Variants in TSPAN33 observed in about 807,000 individuals in gnomAD.
TSPAN33 encodes the protein tetraspanin-33.
A neutral mutation model predicts 34.8 loss-of-function variants in TSPAN33; 27 were observed. That is an observed-to-expected ratio of 0.78 (90% confidence interval 0.57 to 1.07). The LOEUF (loss-of-function observed/expected upper bound fraction) is 1.07, where lower values mean the gene tolerates loss of function less well. Ranked by LOEUF, TSPAN33 falls within the 50% of genes least tolerant of loss-of-function variation. The pLI, the probability that TSPAN33 is intolerant of heterozygous loss-of-function variation, is 0.00. For synonymous variants in TSPAN33, 119 were observed against 124.2 expected, an observed-to-expected ratio of 0.96 and a Z score of 0.28; for missense variants, 272 against 324.9, an observed-to-expected ratio of 0.84 and a Z score of 1.25.
chr7:129,164,517 A>C lies in TSPAN33; in HGVS notation c.407A>C (p.His136Pro). 1 of 1,614,156 alleles carries C rather than the reference A, an allele frequency of 6.2e-7. No individual in the cohort carries two copies. Among genetic ancestry groups the C allele is most frequent in the Non-Finnish European group, 8.5e-7 (1 of 1,180,018 alleles). The change falls in exon 5 of 8, where the codon CAC becomes CCC. Residue 136 changes from histidine (H) to proline (P), a missense_variant. Coordinates refer to ENST00000486685, the MANE Select transcript of TSPAN33 (RefSeq NM_178562.5). ...VSEIINNAIV[H>P]YRDDLDLQNL... is the part of the protein sequence containing the mutation. ...GAGATCATCAACAATGCCATTGTGC[A>C]CTACCGAGATGACTTGGATCTGCAG...
Position 129,167,384 on chromosome 7 carries a change from C to T in TSPAN33, c.589-15C>T. 1 of 1,601,954 alleles carries T rather than the reference C, an allele frequency of 6.2e-7. No homozygotes were observed. The highest frequency in any genetic ancestry group is 1.1e-5 in the South Asian group (1 of 90,212). On this transcript the variant is annotated splice_polypyrimidine_tract_variant and intron_variant, in intron 6 of 7. Transcript: ENST00000486685. The surrounding 1 kb of genome is among the most constrained non-coding windows in gnomAD (Gnocchi z 4.6). Reference sequence around the variant, plus strand: ...GGAATTACAGTCCCAATTGGCTTTTCAACTCTTTCCCCAGGCAGTGATCAA... The same window carrying T: ...GGAATTACAGTCCCAATTGGCTTTTTAACTCTTTCCCCAGGCAGTGATCAA...
intron 1 of TSPAN33, among the ~76,000 whole-genome samples, chr7:129,146,046 C>T (rs1191858871): frequency 6.6e-6 from 1 of 152,060 alleles, no homozygotes; most frequent in African/African-American, 2.4e-5. Flanking sequence ...CCCCATTCAC[C>T]TCCTCTTCTG....
chr7:129,144,781 C>T lies in TSPAN33; in HGVS notation c.-200C>T, dbSNP rs1454665673. On this transcript the variant is annotated 5_prime_UTR_variant, in exon 1 of 8. Coordinates refer to ENST00000486685, the MANE Select transcript of TSPAN33 (RefSeq NM_178562.5). ...TCCGCTCGCGCTGCCCACCGCGGCT[C>T]CAGCAGCTCCAGGCGCGGTTCCCCG... 1 of 148,976 alleles carries T rather than the reference C, an allele frequency of 6.7e-6. No homozygotes were observed. Among genetic ancestry groups the T allele is most frequent in the Admixed American group, 6.7e-5 (1 of 15,036 alleles). The allele number at this position is 148,976 out of a possible 1,614,324, so 9.2% of individuals were successfully genotyped here. A position where few individuals can be genotyped will look rare whatever the true frequency, so the allele number is the denominator to read the frequency against.
rs1584639951 is a variant in TSPAN33 at position 129,162,503 on chromosome 7, C to T, written c.270C>T (p.Asn90=). The change falls in exon 3 of 8, where the codon AAC becomes AAT. Residue 90 remains asparagine, a synonymous_variant. Coordinates refer to ENST00000486685, the MANE Select transcript of TSPAN33 (RefSeq NM_178562.5). The part of the protein sequence containing the change: ...FCGCIGSLRE[N]ICLLQTFSLC... ...GCTGCATTGGGTCCCTCCGCGAGAACATCTGCCTCCTGCAGACGGTGAGTG... is the reference window on the plus strand; with the variant it reads ...GCTGCATTGGGTCCCTCCGCGAGAATATCTGCCTCCTGCAGACGGTGAGTG... 1 of 1,613,452 alleles carries T rather than the reference C, an allele frequency of 6.2e-7. No homozygotes were observed. Among genetic ancestry groups the T allele is most frequent in the Non-Finnish European group, 8.5e-7 (1 of 1,180,028 alleles).
At chr7:129,153,965 A>G (rs1810635231) in intron 1 of TSPAN33, among the ~76,000 whole-genome samples, 1 of 152,026 alleles carries the variant, frequency 6.6e-6, no homozygotes, top group African/African-American at 2.4e-5. Context: ...GAAGAAGAAT[A>G]TGACAAAATC....
At chr7:129,166,711 A>G in intron 5 of TSPAN33, 67 bp from the exon 6 acceptor site, 1 of 1,573,044 alleles carries the variant, frequency 6.4e-7, no homozygotes, top group South Asian at 1.2e-5. Context: ...GGTGGCTCTG[A>G]GAATTCCCCT....
intron 1 of TSPAN33, among the ~76,000 whole-genome samples, chr7:129,161,019 T>C (rs1793042118): frequency 6.6e-6 from 1 of 152,204 alleles, no homozygotes; most frequent in African/African-American, 2.4e-5. Context: ...GGCTCAGAAA[T>C]TTGCCCTATG....
rs1015927203 is a variant in TSPAN33 at position 129,168,173 on chromosome 7, G to T, written c.*299G>T. 3 of 341,922 alleles carry T rather than the reference G, an allele frequency of 8.8e-6. No individual in the cohort carries two copies. Among genetic ancestry groups the T allele is most frequent in the Admixed American group, 4.3e-5 (1 of 23,154 alleles). The allele number at this position is 341,922 out of a possible 1,614,324, so 21.2% of individuals were successfully genotyped here. ...AACAGCAGTTGCACAGAGAGTTGGGGGTACTGCTGCTGCCTTTTCACCGAG... is the reference window on the plus strand; with the variant it reads ...AACAGCAGTTGCACAGAGAGTTGGGTGTACTGCTGCTGCCTTTTCACCGAG... On this transcript the variant is annotated 3_prime_UTR_variant, in exon 8 of 8. Transcript: ENST00000486685.
In TSPAN33 at chr7:129,167,510, A is replaced by G; in HGVS notation, c.700A>G (p.Ser234Gly). 6.2e-7 allele frequency: 1 copy of G among 1,614,220 alleles called. No homozygotes were observed. Among genetic ancestry groups the G allele is most frequent in the Non-Finnish European group, 8.5e-7 (1 of 1,180,036 alleles). ...CIDKLVNWIHSNLFLLGGVAL... is the reference protein window; with the variant it reads ...CIDKLVNWIHGNLFLLGGVAL... The stretch of plus-strand genomic sequence containing the variant: ...TGACAAGTTGGTCAACTGGATACAC[A>G]GCAACCTATTCTTACTTGGTGGTGT... The change falls in exon 7 of 8, where the codon AGC becomes GGC. Residue 234 changes from serine (S) to glycine (G), a missense_variant. Transcript: ENST00000486685. This position sits in a 1 kb window ranked among gnomAD's most constrained non-coding sequence, Gnocchi z 4.6.
chr7:129,162,421 A>G lies in TSPAN33; in HGVS notation c.188A>G (p.Asp63Gly), dbSNP rs778750055. The G allele has an allele frequency of 1.4e-5, 23 of 1,613,536 alleles. No individual in the cohort carries two copies. The highest frequency in any genetic ancestry group is 1.9e-5 in the Non-Finnish European group (23 of 1,180,002). Residue 63 changes from aspartate to glycine, a missense_variant, in exon 3 of 8, where the codon GAC (aspartate) becomes GGC (glycine). Physicochemically the swap from Asp to Gly is moderately conservative, Grantham distance 94. Transcript: ENST00000486685. ...AEAALACLAV[D>G]PAILLIVVGV... Reference sequence around the variant, plus strand: ...GCAGCCCTAGCCTGCCTGGCAGTGGACCCTGCCATCCTGCTGATCGTGGTG... The same window carrying G: ...GCAGCCCTAGCCTGCCTGGCAGTGGGCCCTGCCATCCTGCTGATCGTGGTG...
intron 1 of TSPAN33, among the ~76,000 whole-genome samples, chr7:129,153,066 AAAAAAAAAAAAAAAAAG>A (rs1046769669): frequency 4.9e-5 from 5 of 101,160 alleles, no homozygotes; most frequent in Non-Finnish European, 8.7e-5. Flanking sequence ...TCTCAAAAAA[AAAAAAAAAAAAAAAAAG>A]AAAAAGAAAA....
chr7:129,163,333 CTT>C (rs57365994), intron 4 of TSPAN33, among the ~76,000 whole-genome samples: 9 of 124,832 alleles, frequency 7.2e-5, no homozygotes, highest in Non-Finnish European at 9.8e-5. Flanking sequence ...TTCTTTCTTT[CTT>C]TTTTTTTTTT....
intron 4 of TSPAN33, among the ~76,000 whole-genome samples, chr7:129,163,333 C>CTTTTTTTTTTTTTTTTTTTTTTT: frequency 8.0e-6 from 1 of 124,870 alleles, no homozygotes; most frequent in African/African-American, 3.0e-5. Context: ...TTCTTTCTTT[C>CTTTTTTTTTTTTTTTTTTTTTTT]TTTTTTTTTT....
At position 129,166,906 on chromosome 7, in the gene TSPAN33, G is replaced by A. The variant is rs1038077657; in HGVS notation, c.588G>A (p.Gln196=). 2 of 1,612,424 alleles carry A rather than the reference G, an allele frequency of 1.2e-6. No homozygotes were observed. Among genetic ancestry groups the A allele is most frequent in the Admixed American group, 1.7e-5 (1 of 59,802 alleles). Residue 196 remains glutamine, a splice_region_variant and synonymous_variant, in exon 6 of 8, where the codon CAG becomes CAA. Transcript: ENST00000486685. ...PYSCCLPTPD[Q]AVINTMCGQG... ...CCTGTTGCTTGCCTACTCCTGACCA[G>A]GTGAGCCAGCATCCTGCCTCATTTC...
chr7:129,146,940 A>G (rs977259963), intron 1 of TSPAN33, among the ~76,000 whole-genome samples: 1 of 146,956 alleles, frequency 6.8e-6, no homozygotes, highest in African/African-American at 2.5e-5. Context: ...GTTCCTGGTC[A>G]TTTTTTTTTT....
intron 1 of TSPAN33, among the ~76,000 whole-genome samples, chr7:129,159,150 T>A (rs1793014402): frequency 6.6e-6 from 1 of 151,680 alleles, no homozygotes; most frequent in Non-Finnish European, 1.5e-5. Flanking sequence ...AACCTCCGCC[T>A]CCCAGGTTCA....
At chr7:129,164,329 G>T (rs1015998120) in intron 4 of TSPAN33, 145 bp from the exon 5 acceptor site, 1 of 708,034 alleles carries the variant, frequency 1.4e-6, no homozygotes, top group South Asian at 1.7e-5. Context: ...GAACTGAACC[G>T]GCTATCTTCC....
chr7:129,161,794 C>A, intron 2 of TSPAN33, 58 bp downstream of exon 2: 1 of 1,602,578 alleles, frequency 6.2e-7, no homozygotes, highest in Non-Finnish European at 8.5e-7. Context: ...TTCCCCTCTG[C>A]CTCCTTCAGC....
rs542819721 is a variant in TSPAN33, at chr7:129,148,388, C to T, written c.102+3306C>T. 6.6e-6 allele frequency among the ~76,000 whole-genome samples: 1 copy of T among 152,322 alleles called. No homozygotes were observed. The highest frequency in any genetic ancestry group is 2.1e-4 in the South Asian group (1 of 4,828). On this transcript the variant is annotated intron_variant, in intron 1 of 7. Coordinates refer to ENST00000486685, the MANE Select transcript of TSPAN33 (RefSeq NM_178562.5). This position sits in a 1 kb window ranked among gnomAD's most constrained non-coding sequence, Gnocchi z 4.2. Reference sequence around the variant, plus strand: ...CTTCTCCGTCTCCCCCTCTAGACTTCGGGCTCTCGAGGGTGGGCACGGCCC... The same window carrying T: ...CTTCTCCGTCTCCCCCTCTAGACTTTGGGCTCTCGAGGGTGGGCACGGCCC...
Sources: allele counts gnomAD v4.1 joint callset (sites outside exome capture counted in the v4.1 genomes callset), GRCh38; gene constraint gnomAD v4.1.1; non-coding constraint Gnocchi (gnomAD v3.1); transcripts MANE v1.5; gene names NCBI Gene and HGNC (gene_info 2026-07-23, HGNC 2026-07-21).